Variants in PCDHGB3 observed in about 807,000 individuals in gnomAD.
PCDHGB3 encodes the protein protocadherin gamma subfamily B, 3, also known as protocadherin gamma-B3.
PCDHGB3 carries 40 observed loss-of-function variants against 59.2 expected under a neutral mutation model. The observed-to-expected ratio is 0.68, with a 90% CI of 0.52 to 0.88. The LOEUF (loss-of-function observed/expected upper bound fraction) is 0.88. Ranked by LOEUF, PCDHGB3 falls within the 40% of genes least tolerant of loss-of-function variation. The pLI, the probability that PCDHGB3 is intolerant of heterozygous loss-of-function variation, is 0.00. For missense variants in PCDHGB3, 1,309 were observed against 1,187.9 expected (o/e 1.10, Z -1.50); for synonymous variants, 581 against 503.6 (o/e 1.15, Z -2.06).
At chr5:141,372,971 AG>A in intron 1 of PCDHGB3, 162 bp downstream of exon 1, 1 of 677,376 alleles carries the variant, frequency 1.5e-6, no homozygotes, top group South Asian at 2.2e-5. Context: ...AATTTCCTGT[AG>A]AATATCTGTG....
Position 141,501,290 on chromosome 5 carries a change from TACACACACACACAC to T in PCDHGB3, c.2475-4072_2475-4059del, listed in dbSNP as rs55762287. ...GTCCAGTCTATGGGATATTCCCTTA[TACACACACACACAC>T]ACACACACACACACACACACACACA... On this transcript the variant is annotated intron_variant, in intron 2 of 3. Transcript: ENST00000576222. Among the ~76,000 whole-genome samples, 10 of 136,248 alleles carry T rather than the reference TACACACACACACAC, an allele frequency of 7.3e-5. No homozygotes were observed. In the South Asian group the frequency reaches 1.2e-3, roughly 16 times the overall value. 89.4% of individuals were successfully genotyped at this position (136,248 alleles called of 152,430 possible).
Position 141,371,200 on chromosome 5 carries a change from T to C in PCDHGB3, c.806T>C (p.Met269Thr). The C allele has an allele frequency of 1.9e-6, 3 of 1,614,034 alleles. No individual in the cohort carries two copies. The highest frequency in any genetic ancestry group is 2.5e-6 in the Non-Finnish European group (3 of 1,179,878). The change falls in exon 1 of 4, where the codon ATG becomes ACG. Residue 269 changes from methionine (M) to threonine (T), a missense_variant. Coordinates refer to ENST00000576222, the MANE Select transcript of PCDHGB3 (RefSeq NM_018924.5). The stretch of plus-strand genomic sequence containing the variant: ...GTATTAAAAGTGATGGCCATTGACA[T>C]GGATGAGGGCATCAATGCCGAAATC... ...SSVLKVMAID[M>T]DEGINAEIIY...
At chr5:141,409,858 G>A in intron 1 of PCDHGB3, 2 of 1,612,340 alleles carry the variant, frequency 1.2e-6, no homozygotes, top group Non-Finnish European at 1.7e-6. Context: ...GCGTGTTGGT[G>A]GGAGACCGCA....
chr5:141,422,088 CA>C (rs1235447839), intron 1 of PCDHGB3: 2 of 1,611,912 alleles, frequency 1.2e-6, no homozygotes, highest in Non-Finnish European at 1.7e-6. Flanking sequence ...ACATGGAAAG[CA>C]AGGCTTCTGA....
In PCDHGB3 at chr5:141,418,047, C is replaced by G. The variant is rs968352679; in HGVS notation, c.2415+45238C>G. The G allele has an allele frequency of 6.2e-6, 10 of 1,613,894 alleles. No individual in the cohort carries two copies. The highest frequency in any genetic ancestry group is 1.6e-4 in the Middle Eastern group (1 of 6,076). ...GGGCTTAGTGTCCTGGATGTGTCGG[C>G]TCGCGAGCTGCGAGTGAGCGCGGAG... On this transcript the variant is annotated intron_variant, in intron 1 of 3. Transcript: ENST00000576222.
chr5:141,389,301 A>G (rs2091692161), intron 1 of PCDHGB3: 3 of 1,614,010 alleles, frequency 1.9e-6, no homozygotes, highest in Non-Finnish European at 2.5e-6. Flanking sequence ...TTCACAAGTC[A>G]GGGCTTCTGA....
intron 1 of PCDHGB3, chr5:141,403,605 G>A (rs2094432434): frequency 6.2e-7 from 1 of 1,613,690 alleles, no homozygotes; most frequent in Admixed American, 1.7e-5. Context: ...TCGGATGGCG[G>A]CGAGCCGCGT....
rs138616951 is a variant in PCDHGB3, at chr5:141,490,312, C to T, written c.2416-4495C>T. On this transcript the variant is annotated intron_variant, in intron 1 of 3. Transcript: ENST00000576222. The surrounding 1 kb of genome is among the most constrained non-coding windows in gnomAD (Gnocchi z 5.4). ...GGTGCTATTGGCCTCTTTGGCCAAC[C>T]CTGTCCTAGAGAGCACACCAGTGGG... 67 of 1,614,050 alleles carry T rather than the reference C, an allele frequency of 4.2e-5. No individual in the cohort carries two copies. The highest frequency in any genetic ancestry group is 5.3e-5 in the Non-Finnish European group (63 of 1,180,008).
rs763321545 is a variant in PCDHGB3 at position 141,389,799 on chromosome 5, C to A, written c.2415+16990C>A. 1.2e-5 allele frequency: 19 copies of A among 1,613,678 alleles called. No individual in the cohort carries two copies. The South Asian group carries it at 1.9e-4, about 16-fold the overall frequency. On this transcript the variant is annotated intron_variant, in intron 1 of 3. Transcript: ENST00000576222. ...AGGCGACAGGGACGCCGTCCGCCAG[C>A]GCCTTCTGGTCGCCGTGCGTGACGG...
intron 1 of PCDHGB3, chr5:141,415,463 T>G: frequency 6.2e-7 from 1 of 1,614,228 alleles, no homozygotes; most frequent in South Asian, 1.1e-5. Flanking sequence ...GAGGTCTCTC[T>G]CACCGCGGAC....
In PCDHGB3 at chr5:141,370,634, A is replaced by G; in HGVS notation, c.240A>G (p.Glu80=). The G allele has an allele frequency of 6.2e-7, 1 of 1,613,970 alleles. No individual in the cohort carries two copies. The highest frequency in any genetic ancestry group is 1.1e-5 in the South Asian group (1 of 91,076). The change falls in exon 1 of 4, where the codon GAA becomes GAG. Residue 80 remains glutamate, a synonymous_variant. Transcript: ENST00000576222. The part of the protein sequence containing the change: ...AEKKFFTVSP[E]NGNLLVSDRI... ...AGAAATTCTTTACCGTGAGCCCCGA[A>G]AATGGGAACTTACTTGTGAGCGACC...
intron 1 of PCDHGB3, among the ~76,000 whole-genome samples, chr5:141,435,445 C>T (rs190910353): frequency 3.9e-5 from 6 of 152,224 alleles, no homozygotes; most frequent in Middle Eastern, 3.4e-3. Flanking sequence ...TTCATTAATA[C>T]GATATCTGTA....
Position 141,485,342 on chromosome 5 carries a change from G to C in PCDHGB3, c.2416-9465G>C. 1.2e-6 allele frequency: 2 copies of C among 1,614,164 alleles called. No individual in the cohort carries two copies. Among genetic ancestry groups the C allele is most frequent in the Non-Finnish European group, 1.7e-6 (2 of 1,180,026 alleles). On this transcript the variant is annotated intron_variant, in intron 1 of 3. Coordinates refer to ENST00000576222, the MANE Select transcript of PCDHGB3 (RefSeq NM_018924.5). The surrounding 1 kb of genome is among the most constrained non-coding windows in gnomAD (Gnocchi z 5.7). The stretch of plus-strand genomic sequence containing the variant: ...CGCTCAAGATTTCCTGCTGGATACG[G>C]ACAGTCTGTCAGCTCGCAGGCTGCA...
chr5:141,395,019 C>T (rs374672662), intron 1 of PCDHGB3: 5 of 1,613,986 alleles, frequency 3.1e-6, no homozygotes, highest in South Asian at 1.1e-5. Context: ...GGTAGGCGTG[C>T]CTGCCTCACA....
rs201325462 is a variant in PCDHGB3, at chr5:141,371,687, G to C, written c.1293G>C (p.Pro431=). The C allele has an allele frequency of 3.2e-3, 5,173 of 1,614,012 alleles. 13 individuals are homozygous for C. The highest frequency in any genetic ancestry group is 4.1e-3 in the Non-Finnish European group (4,801 of 1,179,898). ...TITATDKGNP[P]LSSSKTITLH... ...CAGCTACCGACAAAGGCAATCCACC[G>C]CTCTCCTCCAGCAAGACCATCACTC... Residue 431 remains proline, a synonymous_variant, in exon 1 of 4, where the codon CCG becomes CCC. Coordinates refer to ENST00000576222, the MANE Select transcript of PCDHGB3 (RefSeq NM_018924.5).
chr5:141,402,394 G>T (rs928311359), intron 1 of PCDHGB3, among the ~76,000 whole-genome samples: 5 of 151,852 alleles, frequency 3.3e-5, no homozygotes, highest in Non-Finnish European at 7.4e-5. Context: ...AATTACTTCA[G>T]AAAATTGTTA....
In PCDHGB3 at chr5:141,476,240, G is replaced by A. The variant is rs762604058; in HGVS notation, c.2416-18567G>A. On this transcript the variant is annotated intron_variant, in intron 1 of 3. Coordinates refer to ENST00000576222, the MANE Select transcript of PCDHGB3 (RefSeq NM_018924.5). This position sits in a 1 kb window ranked among gnomAD's most constrained non-coding sequence, Gnocchi z 7.6. ...TCACTATGAGATCCCGGAGGAAAGAGAGAAGGGTTTCGCTGTGGGCAACGT... is the reference window on the plus strand; with the variant it reads ...TCACTATGAGATCCCGGAGGAAAGAAAGAAGGGTTTCGCTGTGGGCAACGT... The A allele has an allele frequency of 4.3e-6, 7 of 1,613,986 alleles. No individual in the cohort carries two copies. The highest frequency in any genetic ancestry group is 1.7e-6 in the Non-Finnish European group (2 of 1,180,030).
At chr5:141,504,660 C>T (rs1002186811) in intron 2 of PCDHGB3, among the ~76,000 whole-genome samples, 8 of 101,980 alleles carry the variant, frequency 7.8e-5, no homozygotes, top group Admixed American at 5.7e-4. Flanking sequence ...TGTTTGAGGG[C>T]GGGGGGTGGG....
At position 141,399,372 on chromosome 5, in the gene PCDHGB3, T is replaced by A; in HGVS notation, c.2415+26563T>A. The A allele has an allele frequency of 1.2e-6, 2 of 1,613,970 alleles. 1 individual carries two copies. The highest frequency in any genetic ancestry group is 2.2e-5 in the South Asian group (2 of 91,086). On this transcript the variant is annotated intron_variant, in intron 1 of 3. Transcript: ENST00000576222. ...ACCGAGAGCAAACCCCGGAGTACAATGTCACCATCACAGCCACAGACAGGG... is the reference window on the plus strand; with the variant it reads ...ACCGAGAGCAAACCCCGGAGTACAAAGTCACCATCACAGCCACAGACAGGG...
Sources: allele counts gnomAD v4.1 joint callset (sites outside exome capture counted in the v4.1 genomes callset), GRCh38; gene constraint gnomAD v4.1.1; non-coding constraint Gnocchi (gnomAD v3.1); transcripts MANE v1.5; gene names NCBI Gene and HGNC (gene_info 2026-07-23, HGNC 2026-07-21).